Variants in COL28A1 observed in about 807,000 individuals in gnomAD.
COL28A1 encodes collagen type XXVIII alpha 1 chain, also known as collagen alpha-1(XXVIII) chain.
COL28A1 carries 161 observed loss-of-function variants against 150.2 expected under a neutral mutation model. The ratio of observed to expected loss-of-function variants is 1.07; its 90% CI spans 0.94 to 1.22. COL28A1 has a LOEUF of 1.22. Among genes scored for constraint, COL28A1 ranks in the 50% most tolerant of loss-of-function variants. The pLI is 0.00. For missense variants in COL28A1, 1,617 were observed against 1,388.3 expected, an observed-to-expected ratio of 1.16 and a Z score of -2.62; for synonymous variants, 552 against 469.7, an observed-to-expected ratio of 1.18 and a Z score of -2.26.
intron 13 of COL28A1, among the ~76,000 whole-genome samples, chr7:7,478,642 T>C (rs1284773569): frequency 1.3e-5 from 2 of 152,178 alleles, no homozygotes; most frequent in Non-Finnish European, 2.9e-5. Flanking sequence ...CCACGGCGGG[T>C]TGGGGAGACT....
At chr7:7,459,815 C>T (rs904598241) in intron 15 of COL28A1, among the ~76,000 whole-genome samples, 6 of 152,234 alleles carry the variant, frequency 3.9e-5, no homozygotes, top group Non-Finnish European at 7.3e-5. Flanking sequence ...GACAAATCAT[C>T]AAGATCAAAC....
intron 20 of COL28A1, among the ~76,000 whole-genome samples, chr7:7,442,166 G>C (rs1268766680): frequency 6.6e-6 from 1 of 152,144 alleles, no homozygotes; most frequent in Non-Finnish European, 1.5e-5. Flanking sequence ...AAATTCAGTA[G>C]CCTCTCTTTC....
At chr7:7,429,817 C>T (rs79255499) in intron 25 of COL28A1, among the ~76,000 whole-genome samples, 7,797 of 152,138 alleles carry the variant, frequency 0.051, 700 homozygotes, top group African/African-American at 0.18. Context: ...TCTTCTCCCC[C>T]GGGCTCTGCC....
chr7:7,521,283 C>G (rs1047942742), intron 5 of COL28A1, among the ~76,000 whole-genome samples: 8 of 152,192 alleles, frequency 5.3e-5, no homozygotes, highest in Admixed American at 2.0e-4. Flanking sequence ...CCAGTACAGA[C>G]ATGGCACCTA....
Position 7,381,538 on chromosome 7 carries a change from A to T in COL28A1, c.2205+6T>A. The T allele has an allele frequency of 6.2e-7, 1 of 1,611,074 alleles. No homozygotes were observed. Among genetic ancestry groups the T allele is most frequent in the Non-Finnish European group, 8.5e-7 (1 of 1,177,580 alleles). On this transcript the variant is annotated splice_donor_region_variant and intron_variant, in intron 28 of 34. Transcript: ENST00000399429. ...AAGCATTTCTCTAAGATCCTGAGAC[A>T]CTTACCTTCTGGCCTGGGAGGCCAT...
intron 15 of COL28A1, among the ~76,000 whole-genome samples, chr7:7,466,677 A>C (rs1788109237): frequency 4.7e-5 from 1 of 21,494 alleles, no homozygotes; most frequent in Non-Finnish European, 7.5e-5. Flanking sequence ...AGTTGAAATG[A>C]AGGAAAAAAT....
intron 25 of COL28A1, among the ~76,000 whole-genome samples, chr7:7,428,709 G>T (rs10486160): frequency 0.15 from 23,033 of 152,164 alleles, 2,003 homozygotes; most frequent in African/African-American, 0.23. Context: ...GACACTGGAT[G>T]AGCACTTCCC....
intron 18 of COL28A1, among the ~76,000 whole-genome samples, chr7:7,448,494 G>C (rs1278148626): frequency 6.6e-6 from 1 of 151,696 alleles, no homozygotes; most frequent in African/African-American, 2.4e-5. Flanking sequence ...AGTTGATTTG[G>C]CAATTTCTTG....
chr7:7,346,666 TGAGAG>T, the COL28A1 span, among the ~76,000 whole-genome samples: 2 of 152,082 alleles, frequency 1.3e-5, no homozygotes, highest in East Asian at 3.9e-4. Flanking sequence ...GTCATTGATC[TGAGAG>T]ATCTTTTTCA....
chr7:7,425,117 C>T (rs1016919751), intron 25 of COL28A1, among the ~76,000 whole-genome samples: 6 of 151,926 alleles, frequency 3.9e-5, no homozygotes, highest in African/African-American at 1.5e-4. Context: ...TATTATGCAG[C>T]AGGAAGTTTT....
chr7:7,507,842 C>A (rs1218648665), intron 9 of COL28A1, among the ~76,000 whole-genome samples: 2 of 152,150 alleles, frequency 1.3e-5, no homozygotes, highest in Non-Finnish European at 2.9e-5. Flanking sequence ...GGCATATTTT[C>A]GTCCAGTTTT....
At chr7:7,420,046 T>G (rs1216292175) in intron 25 of COL28A1, 93 bp from the exon 26 acceptor site, 1 of 745,030 alleles carries the variant, frequency 1.3e-6, no homozygotes, top group Non-Finnish European at 2.0e-6. Flanking sequence ...ACTTCTTGAA[T>G]GTGACTAAGG....
At chr7:7,366,656 C>T (rs754002147) in intron 33 of COL28A1, among the ~76,000 whole-genome samples, 2 of 151,890 alleles carry the variant, frequency 1.3e-5, no homozygotes, top group Non-Finnish European at 2.9e-5. Flanking sequence ...TTTTATTTTT[C>T]GCTAAGAACA....
intron 11 of COL28A1, among the ~76,000 whole-genome samples, chr7:7,492,844 C>T (rs776556384): frequency 1.1e-4 from 17 of 151,162 alleles, no homozygotes; most frequent in Non-Finnish European, 2.2e-4. Flanking sequence ...TATTTTTTCC[C>T]TTAAACTCCT....
chr7:7,359,942 A>T (rs1279150090), intron 34 of COL28A1, among the ~76,000 whole-genome samples: 1 of 152,204 alleles, frequency 6.6e-6, no homozygotes, highest in Non-Finnish European at 1.5e-5. Context: ...TACATTTTCT[A>T]TAGATATTAA....
chr7:7,540,437 T>G (rs17168584), upstream of COL28A1, among the ~76,000 whole-genome samples: 25,830 of 152,228 alleles, frequency 0.17, 2,288 homozygotes, highest in East Asian at 0.23. Context: ...ATCTCTGAAC[T>G]GGAAGGAAAC....
intron 14 of COL28A1, among the ~76,000 whole-genome samples, chr7:7,475,376 A>T (rs1379225604): frequency 5.9e-5 from 9 of 152,164 alleles, no homozygotes; most frequent in Non-Finnish European, 1.0e-4. Flanking sequence ...TACAGAGAAC[A>T]CCCATTGGTC....
intron 3 of COL28A1, among the ~76,000 whole-genome samples, chr7:7,524,852 G>C (rs926438997): frequency 1.3e-5 from 2 of 152,046 alleles, no homozygotes; most frequent in Admixed American, 1.3e-4. Context: ...TAGGGGAGGA[G>C]TTTTCTATTT....
intron 10 of COL28A1, among the ~76,000 whole-genome samples, chr7:7,506,821 C>T (rs569136641): frequency 6.6e-6 from 1 of 152,188 alleles, no homozygotes; most frequent in African/African-American, 2.4e-5. Context: ...ACTTGACTTT[C>T]CATCTTTCCA....
Sources: allele counts gnomAD v4.1 joint callset (sites outside exome capture counted in the v4.1 genomes callset), GRCh38; gene constraint gnomAD v4.1.1; transcripts MANE v1.5; gene names NCBI Gene and HGNC (gene_info 2026-07-23, HGNC 2026-07-21).